B3GALT1: variants seen among roughly 807,000 people sequenced by gnomAD.
B3GALT1 encodes beta-1,3-galactosyltransferase 1.
In B3GALT1, 10 loss-of-function variants were observed where a neutral mutation model predicts 23.2. The observed-to-expected ratio is 0.43, with a 90% CI of 0.27 to 0.73. The LOEUF (loss-of-function observed/expected upper bound fraction) is 0.73. Among genes scored for constraint, B3GALT1 ranks in the 30% least tolerant of loss-of-function variants. The probability of loss-of-function intolerance (pLI) is 0.21; values close to 1 mark genes in which losing one functional copy is unlikely to be tolerated. For missense variants in B3GALT1, 299 were observed against 405.4 expected, an observed-to-expected ratio of 0.74 and a Z score of 2.25; for synonymous variants, 156 against 141.5, an observed-to-expected ratio of 1.10 and a Z score of -0.73.
intron 3 of B3GALT1, among the ~76,000 whole-genome samples, chr2:167,664,230 A>T (rs1015346128): frequency 2.0e-5 from 3 of 150,822 alleles, no homozygotes; most frequent in Admixed American, 6.6e-5. Flanking sequence ...TCCTTTCCCC[A>T]TTGCTTGTTT....
At chr2:167,339,190 G>A (rs547933505) in intron 1 of B3GALT1, among the ~76,000 whole-genome samples, 1 of 152,238 alleles carries the variant, frequency 6.6e-6, no homozygotes, top group Admixed American at 6.5e-5. Context: ...AAATGGCAAA[G>A]AACGGAAAGC....
chr2:167,351,175 G>A (rs572320633), intron 1 of B3GALT1, among the ~76,000 whole-genome samples: 2 of 151,730 alleles, frequency 1.3e-5, no homozygotes, highest in East Asian at 1.9e-4. Flanking sequence ...AGGCTGAGGC[G>A]GGAGAATCGC....
intron 3 of B3GALT1, among the ~76,000 whole-genome samples, chr2:167,768,857 A>C (rs1688021237): frequency 6.6e-6 from 1 of 152,220 alleles, no homozygotes; most frequent in African/African-American, 2.4e-5. Context: ...AGATTCTAAC[A>C]ATAGCCAAGG....
In B3GALT1 at chr2:167,372,931, A is replaced by G. The variant is rs77122907; in HGVS notation, c.-511+79597A>G. ...GATCCACAGACTCAGCACAATCTCA[A>G]TCATAACCCTAAAAGACTTTGTGGA... is the stretch of plus-strand genomic sequence containing the variant. On this transcript the variant is annotated intron_variant, in intron 1 of 4. Coordinates refer to ENST00000392690, the MANE Select transcript of B3GALT1 (RefSeq NM_020981.4). Among the ~76,000 whole-genome samples the G allele has an allele frequency of 1.1e-3, 167 of 152,162 alleles. 1 individual carries two copies. The East Asian group carries it at 0.028, about 25-fold the overall frequency.
At chr2:167,481,579 T>C (rs1438041832) in intron 1 of B3GALT1, among the ~76,000 whole-genome samples, 1 of 152,218 alleles carries the variant, frequency 6.6e-6, no homozygotes, top group Non-Finnish European at 1.5e-5. Flanking sequence ...ATAAACATGA[T>C]TCATTTATAT....
Position 167,356,045 on chromosome 2 carries a change from A to G in B3GALT1, c.-511+62711A>G, listed in dbSNP as rs555517220. ...ACTGAGCATATCAAGTTCTTCAAGG[A>G]AAATGAGAAACTAAGCACAGCTGGT... On this transcript the variant is annotated intron_variant, in intron 1 of 4. Coordinates refer to ENST00000392690, the MANE Select transcript of B3GALT1 (RefSeq NM_020981.4). Among the ~76,000 whole-genome samples the G allele has an allele frequency of 2.0e-3, 305 of 152,338 alleles. 1 individual carries two copies. The highest frequency in any genetic ancestry group is 0.017 in the Middle Eastern group (5 of 294).
intron 1 of B3GALT1, among the ~76,000 whole-genome samples, chr2:167,405,625 T>A (rs1195952851): frequency 1.3e-5 from 2 of 152,002 alleles, no homozygotes; most frequent in Non-Finnish European, 2.9e-5. Context: ...AGACAAAGGG[T>A]TTTCTTTGTG....
At chr2:167,843,011 G>C (rs1689681619) in intron 4 of B3GALT1, among the ~76,000 whole-genome samples, 1 of 152,196 alleles carries the variant, frequency 6.6e-6, no homozygotes, top group East Asian at 1.9e-4. Flanking sequence ...TGATTGCGGA[G>C]CAGTGATACA....
chr2:167,303,480 T>G (rs1297846262), intron 1 of B3GALT1, among the ~76,000 whole-genome samples: 1 of 152,084 alleles, frequency 6.6e-6, no homozygotes. Flanking sequence ...AGAATACCTC[T>G]GGAAGAGATT....
At chr2:167,815,263 A>G (rs961386239) in intron 3 of B3GALT1, 1 of 152,254 alleles carries the variant, frequency 6.6e-6, no homozygotes, top group Non-Finnish European at 1.5e-5. Context: ...AGTTAAGTTC[A>G]TGATCATTGA....
intron 3 of B3GALT1, among the ~76,000 whole-genome samples, chr2:167,757,705 A>G (rs1687839760): frequency 2.0e-5 from 3 of 152,188 alleles, no homozygotes; most frequent in South Asian, 4.1e-4. Context: ...GTATATATAT[A>G]TAAAGGTCAG....
rs570409475 is a variant in B3GALT1, at chr2:167,797,854, G to A, written c.-351-20818G>A. Among the ~76,000 whole-genome samples the A allele has an allele frequency of 5.3e-5, 8 of 152,214 alleles. 1 individual carries two copies. Among genetic ancestry groups the A allele is most frequent in the African/African-American group, 9.6e-5 (4 of 41,528 alleles). ...TGAGTAGCTGGGACTACAGGTGCCC[G>A]TGACCACACCTGGCTAATTTTTTGT... is the stretch of plus-strand genomic sequence containing the variant. On this transcript the variant is annotated intron_variant, in intron 3 of 4. Transcript: ENST00000392690.
At chr2:167,530,903 G>A (rs920339241) in intron 2 of B3GALT1, among the ~76,000 whole-genome samples, 1 of 152,166 alleles carries the variant, frequency 6.6e-6, no homozygotes, top group African/African-American at 2.4e-5. Flanking sequence ...TGCTTAGGTA[G>A]ATTAGCCTGC....
chr2:167,409,051 T>A (rs992790566), intron 1 of B3GALT1, among the ~76,000 whole-genome samples: 10 of 152,068 alleles, frequency 6.6e-5, no homozygotes, highest in African/African-American at 2.4e-4. Context: ...GCACAAAAGA[T>A]CCAAAAGAGC....
intron 3 of B3GALT1, among the ~76,000 whole-genome samples, chr2:167,740,783 C>T (rs150521382): frequency 3.3e-5 from 5 of 152,200 alleles, no homozygotes; most frequent in Non-Finnish European, 7.4e-5. Flanking sequence ...AGATTTTGTT[C>T]AATATATCAT....
In B3GALT1 at chr2:167,328,975, G is replaced by T. The variant is rs150256342; in HGVS notation, c.-511+35641G>T. Among the ~76,000 whole-genome samples, 343 of 152,136 alleles carry T rather than the reference G, an allele frequency of 2.3e-3. 1 individual carries two copies. The highest frequency in any genetic ancestry group is 3.2e-3 in the Non-Finnish European group (217 of 67,998). On this transcript the variant is annotated intron_variant, in intron 1 of 4. Coordinates refer to ENST00000392690, the MANE Select transcript of B3GALT1 (RefSeq NM_020981.4). ...CTACAGGGGCGCACCACCACGCCTG[G>T]CTGATTTTTGTATTTTTAGTAGAGA... is the stretch of plus-strand genomic sequence containing the variant.
chr2:167,388,651 C>T (rs1697968717), intron 1 of B3GALT1, among the ~76,000 whole-genome samples: 1 of 152,126 alleles, frequency 6.6e-6, no homozygotes, highest in Non-Finnish European at 1.5e-5. Context: ...TCAAGCCTAG[C>T]TACACAATAG....
chr2:167,616,822 G>A (rs992582371), intron 2 of B3GALT1, among the ~76,000 whole-genome samples: 1 of 152,060 alleles, frequency 6.6e-6, no homozygotes, highest in Non-Finnish European at 1.5e-5. Flanking sequence ...AAATTAGGGT[G>A]TAATTCTTAT....
chr2:167,669,579 A>C (rs906781942), intron 3 of B3GALT1, among the ~76,000 whole-genome samples: 1 of 152,176 alleles, frequency 6.6e-6, no homozygotes, highest in African/African-American at 2.4e-5. Flanking sequence ...TCAATCATTA[A>C]ATTTAGCTTT....
Sources: allele counts gnomAD v4.1 joint callset (sites outside exome capture counted in the v4.1 genomes callset), GRCh38; gene constraint gnomAD v4.1.1; transcripts MANE v1.5; gene names NCBI Gene and HGNC (gene_info 2026-07-23, HGNC 2026-07-21).